STK32B: variants seen among roughly 807,000 people sequenced by gnomAD.
STK32B encodes serine/threonine kinase 32B, also known as serine/threonine-protein kinase 32B.
A neutral mutation model predicts 52.6 loss-of-function variants in STK32B; 43 were observed. The observed-to-expected ratio is 0.82, with a 90% CI of 0.64 to 1.05. The LOEUF (loss-of-function observed/expected upper bound fraction) is 1.05. STK32B is among the 50% of genes least tolerant of loss of function. The pLI is 0.00. For missense variants in STK32B, 621 were observed against 534.6 expected, an observed-to-expected ratio of 1.16 and a Z score of -1.59; for synonymous variants, 238 against 204.3, an observed-to-expected ratio of 1.17 and a Z score of -1.41.
intron 3 of STK32B, among the ~76,000 whole-genome samples, chr4:5,301,846 T>A (rs199652726): frequency 1.3e-5 from 1 of 79,204 alleles, no homozygotes; most frequent in South Asian, 4.0e-4. Context: ...GTTTAGTTTG[T>A]TTTTTTTCTA....
At chr4:5,196,554 G>A (rs1420391060) in intron 3 of STK32B, among the ~76,000 whole-genome samples, 1 of 151,214 alleles carries the variant, frequency 6.6e-6, no homozygotes, top group Non-Finnish European at 1.5e-5. Flanking sequence ...AACCCCCTCT[G>A]TTCTAAAAAT....
chr4:5,490,322 G>A (rs1161503971), intron 11 of STK32B, among the ~76,000 whole-genome samples: 2 of 151,932 alleles, frequency 1.3e-5, no homozygotes, highest in African/African-American at 2.4e-5. Flanking sequence ...GGCAAGGCTG[G>A]CCTTGAACTC....
chr4:5,084,874 T>A (rs571824867), intron 1 of STK32B, among the ~76,000 whole-genome samples: 2 of 152,350 alleles, frequency 1.3e-5, no homozygotes, highest in Non-Finnish European at 2.9e-5. Flanking sequence ...AGCTCCTTTG[T>A]AATGATAATC....
At chr4:5,318,860 C>T (rs961918883) in intron 3 of STK32B, among the ~76,000 whole-genome samples, 9 of 151,582 alleles carry the variant, frequency 5.9e-5, no homozygotes, top group South Asian at 2.1e-4. Context: ...AGTGCAGTGG[C>T]GTGATCTCCA....
At chr4:5,237,548 A>C (rs1724714930) in intron 3 of STK32B, among the ~76,000 whole-genome samples, 1 of 152,214 alleles carries the variant, frequency 6.6e-6, no homozygotes, top group Admixed American at 6.5e-5. Context: ...GTTTTCTCTG[A>C]GTCTTGATCA....
At chr4:5,384,505 A>C (rs1022356079) in intron 4 of STK32B, among the ~76,000 whole-genome samples, 1 of 152,190 alleles carries the variant, frequency 6.6e-6, no homozygotes, top group Non-Finnish European at 1.5e-5. Context: ...AAGAACCCAC[A>C]GAGACACTGT....
chr4:5,454,683 C>T (rs1560427883), intron 7 of STK32B, among the ~76,000 whole-genome samples: 1 of 152,056 alleles, frequency 6.6e-6, no homozygotes, highest in Non-Finnish European at 1.5e-5. Flanking sequence ...ACCTCAGTGC[C>T]CAGCTCCAGG....
the STK32B span, chr4:5,019,413 C>T: frequency 2.7e-6 from 4 of 1,488,462 alleles, no homozygotes; most frequent in Middle Eastern, 4.0e-4. Flanking sequence ...CCAGGAGCAG[C>T]AGCAGCACGG....
At chr4:5,446,881 C>T in intron 7 of STK32B, 105 bp downstream of exon 7, 2 of 1,065,092 alleles carry the variant, frequency 1.9e-6, no homozygotes, top group South Asian at 2.8e-5. Context: ...GGAAGGAGCA[C>T]TGGGGGAGTC....
At chr4:5,255,440 G>C (rs1348562452) in intron 3 of STK32B, among the ~76,000 whole-genome samples, 2 of 151,538 alleles carry the variant, frequency 1.3e-5, no homozygotes, top group African/African-American at 4.8e-5. Flanking sequence ...TTTTTATTTA[G>C]GTAACATACA....
At chr4:5,313,328 A>T (rs1445102725) in intron 3 of STK32B, among the ~76,000 whole-genome samples, 1 of 152,070 alleles carries the variant, frequency 6.6e-6, no homozygotes, top group East Asian at 1.9e-4. Flanking sequence ...TCTGCATCTA[A>T]CATCTGTGGT....
intron 1 of STK32B, among the ~76,000 whole-genome samples, chr4:5,053,744 A>C (rs529082978): frequency 6.6e-6 from 1 of 152,216 alleles, no homozygotes; most frequent in Non-Finnish European, 1.5e-5. Context: ...GTACTTTGGG[A>C]GGCCGAGGTG....
At chr4:5,170,997 T>C (rs1719325870) in intron 3 of STK32B, among the ~76,000 whole-genome samples, 1 of 152,224 alleles carries the variant, frequency 6.6e-6, no homozygotes, top group African/African-American at 2.4e-5. Flanking sequence ...ATGATCTCCA[T>C]TCTAACTGGT....
At chr4:5,054,348 G>C (rs781573637) in intron 1 of STK32B, among the ~76,000 whole-genome samples, 8 of 152,148 alleles carry the variant, frequency 5.3e-5, no homozygotes, top group Admixed American at 3.3e-4. Context: ...CTAACTCAGA[G>C]TGGGGGGAGG....
intron 11 of STK32B, among the ~76,000 whole-genome samples, chr4:5,489,631 A>ATTTTTTTTTTTTTTTTTTTTTTTTT (rs1337224666): frequency 6.6e-6 from 1 of 151,392 alleles, no homozygotes; most frequent in East Asian, 2.0e-4. Context: ...ATTTTTTATT[A>ATTTTTTTTTTTTTTTTTTTTTTTTT]TTTTTTTTGA....
At chr4:5,480,229 T>C (rs1352608234) in intron 11 of STK32B, among the ~76,000 whole-genome samples, 1 of 152,104 alleles carries the variant, frequency 6.6e-6, no homozygotes, top group East Asian at 1.9e-4. Context: ...ACAAAAAGAG[T>C]CAAACTCTGT....
intron 7 of STK32B, among the ~76,000 whole-genome samples, chr4:5,455,222 C>T (rs1716390976): frequency 6.6e-6 from 1 of 152,214 alleles, no homozygotes; most frequent in Non-Finnish European, 1.5e-5. Context: ...GACCCCTCGC[C>T]CCTTTGGGCG....
chr4:5,341,767 C>T (rs1305841935), intron 4 of STK32B, among the ~76,000 whole-genome samples: 1 of 152,142 alleles, frequency 6.6e-6, no homozygotes, highest in East Asian at 1.9e-4. Flanking sequence ...AGGAAACCTG[C>T]AGTCATGGTG....
At chr4:5,439,696 G>A (rs1356584872) in intron 6 of STK32B, among the ~76,000 whole-genome samples, 1 of 152,124 alleles carries the variant, frequency 6.6e-6, no homozygotes, top group African/African-American at 2.4e-5. Context: ...TGTCCTGAAT[G>A]GTAATTCCCA....
Sources: gnomAD v4.1 joint callset for allele counts (sites outside exome capture counted in the v4.1 genomes callset) on GRCh38, gnomAD v4.1.1 for gene constraint, MANE v1.5 for transcripts, NCBI Gene and HGNC (gene_info 2026-07-23, HGNC 2026-07-21) for gene names.